VASP: variants seen among roughly 807,000 people sequenced by gnomAD.
VASP encodes vasodilator-stimulated phosphoprotein.
A neutral mutation model predicts 54.4 loss-of-function variants in VASP; 27 were observed. The observed-to-expected ratio is 0.50, with a 90% CI of 0.37 to 0.68. The LOEUF is 0.68. Ranked by LOEUF, VASP falls within the 30% of genes least tolerant of loss-of-function variation. The pLI is 0.00. For synonymous variants in VASP, 233 were observed against 209.8 expected, an observed-to-expected ratio of 1.11 and a Z score of -0.96; for missense variants, 488 against 528.3, an observed-to-expected ratio of 0.92 and a Z score of 0.75.
chr19:45,514,491 G>A (rs1350355762), intron 1 of VASP, among the ~76,000 whole-genome samples: 6 of 152,236 alleles, frequency 3.9e-5, no homozygotes, highest in Non-Finnish European at 8.8e-5. Context: ...AAAGTGCTGG[G>A]ATTACAGGCA....
At position 45,517,666 on chromosome 19, in the gene VASP, G is replaced by A; in HGVS notation, c.9G>A (p.Glu3=). 2 of 1,607,896 alleles carry A rather than the reference G, an allele frequency of 1.2e-6. No homozygotes were observed. Among genetic ancestry groups the A allele is most frequent in the Non-Finnish European group, 8.5e-7 (1 of 1,179,810 alleles). The stretch of plus-strand genomic sequence containing the variant: ...TCCCTTTTCCTCCCGCCTGCAGCGA[G>A]ACGGTCATCTGTTCCAGCCGGGCCA... MS[E]TVICSSRATV... The change falls in exon 2 of 13, where the codon GAG becomes GAA. Residue 3 remains glutamate, a synonymous_variant. Transcript: ENST00000245932.
At chr19:45,521,843 C>T (rs1276353516) in intron 4 of VASP, among the ~76,000 whole-genome samples, 5 of 151,004 alleles carry the variant, frequency 3.3e-5, no homozygotes, top group Non-Finnish European at 7.4e-5. Context: ...GAGCCAAGAT[C>T]GAGCCACTGC....
intron 3 of VASP, among the ~76,000 whole-genome samples, 157 bp from the exon 4 acceptor site, chr19:45,521,165 T>A (rs1968822629): frequency 6.6e-6 from 1 of 152,228 alleles, no homozygotes; most frequent in African/African-American, 2.4e-5. Flanking sequence ...CACCTCCCAA[T>A]GTGCGTCCTC....
In VASP at chr19:45,526,896, G is replaced by A. The variant is rs10995; in HGVS notation, c.*719G>A. 0.76 allele frequency: 115,406 copies of A among 151,836 alleles called. 44,086 individuals are homozygous for A. The highest frequency in any genetic ancestry group is 0.83 in the South Asian group (3,997 of 4,796). 9.4% of individuals were successfully genotyped at this position (151,836 alleles called of 1,614,324 possible). A position where few individuals can be genotyped will look rare whatever the true frequency, so the allele number is the denominator to read the frequency against. ...AGGAAATAAGATGAGGGAGAAAGGA[G>A]AAGGGGAGGAAACTTCTCCCCTCCC... On this transcript the variant is annotated 3_prime_UTR_variant, in exon 13 of 13. Transcript: ENST00000245932.
At chr19:45,513,141 A>AGT (rs1968633427) in intron 1 of VASP, among the ~76,000 whole-genome samples, 1 of 152,166 alleles carries the variant, frequency 6.6e-6, no homozygotes, top group Non-Finnish European at 1.5e-5. Context: ...GAGGTTGTAG[A>AGT]GTCATGCAGC....
In VASP at chr19:45,521,201, G is replaced by A; in HGVS notation, c.344-121G>A. 7 of 1,008,676 alleles carry A rather than the reference G, an allele frequency of 6.9e-6. No homozygotes were observed. The South Asian group carries it at 7.1e-5, about 10-fold the overall frequency. 62.5% of individuals were successfully genotyped at this position (1,008,676 alleles called of 1,614,324 possible). ...CTGGGCCTGGAGCCTCAGGGCCTCT[G>A]GAAGGAGGAAGTGAGCGCCTCTGGG... On this transcript the variant is annotated intron_variant, in intron 3 of 12. Transcript: ENST00000245932.
chr19:45,514,261 G>C (rs1568386257), intron 1 of VASP, among the ~76,000 whole-genome samples: 1 of 152,128 alleles, frequency 6.6e-6, no homozygotes, highest in African/African-American at 2.4e-5. Flanking sequence ...ACAGTGGAGC[G>C]GGAAGAAATG....
chr19:45,523,032 A>G (rs1469151694), intron 7 of VASP, among the ~76,000 whole-genome samples: 1 of 152,082 alleles, frequency 6.6e-6, no homozygotes, highest in Non-Finnish European at 1.5e-5. Flanking sequence ...CCAGAATTCT[A>G]GAACCGTAGG....
Position 45,525,989 on chromosome 19 carries a change from A to G in VASP, c.1091A>G (p.Glu364Gly), listed in dbSNP as rs1968955603. ...AAGAAGGAATTGCAGAAAGTGAAAG[A>G]GGAAATCATTGAAGGTGAGGTGGTT... The part of the protein sequence containing the change: ...EVKKELQKVK[E>G]EIIEAFVQEL... The change falls in exon 12 of 13, where the codon GAG (glutamate) becomes GGG (glycine). Residue 364 changes from glutamate to glycine, a missense_variant. Glu to Gly is a moderately conservative substitution (Grantham distance 98, BLOSUM62 -2). Transcript: ENST00000245932. The G allele has an allele frequency of 6.2e-7, 1 of 1,614,160 alleles. No individual in the cohort carries two copies. Among genetic ancestry groups the G allele is most frequent in the Non-Finnish European group, 8.5e-7 (1 of 1,180,014 alleles).
In VASP at chr19:45,508,403, AC is replaced by A. The variant is rs780189371; in HGVS notation, c.5+635del. On this transcript the variant is annotated intron_variant, in intron 1 of 12. Coordinates refer to ENST00000245932, the MANE Select transcript of VASP (RefSeq NM_003370.4). ...GACGCAGCCTCCAGAGTCTGGTGGG[AC>A]CCCCCCCTTCCCCGTCGCTCCGCAC... is the stretch of plus-strand genomic sequence containing the variant. Among the ~76,000 whole-genome samples the A allele has an allele frequency of 4.4e-4, 65 of 147,164 alleles. No homozygotes were observed. The Middle Eastern group carries it at 0.039, about 88-fold the overall frequency.
At chr19:45,510,428 G>T (rs1409310199) in intron 1 of VASP, among the ~76,000 whole-genome samples, 1 of 152,036 alleles carries the variant, frequency 6.6e-6, no homozygotes, top group Non-Finnish European at 1.5e-5. Flanking sequence ...GTTTCACCGT[G>T]ATGGCCAGGC....
chr19:45,510,668 C>T (rs919301463), intron 1 of VASP, among the ~76,000 whole-genome samples: 1 of 152,144 alleles, frequency 6.6e-6, no homozygotes, highest in African/African-American at 2.4e-5. Flanking sequence ...CGCCGGGGCT[C>T]ATGCCTGTAA....
At chr19:45,523,189 A>ATTTTTTTTTTTTTTTTTTTTTTTTTT (rs1568390471) in intron 7 of VASP, among the ~76,000 whole-genome samples, 5 of 106,970 alleles carry the variant, frequency 4.7e-5, no homozygotes, top group Admixed American at 1.1e-4. Context: ...CAATCTCTTG[A>ATTTTTTTTTTTTTTTTTTTTTTTTTT]ATTTTTTTTT....
At chr19:45,509,253 G>A in intron 1 of VASP, among the ~76,000 whole-genome samples, 1 of 152,174 alleles carries the variant, frequency 6.6e-6, no homozygotes, top group Non-Finnish European at 1.5e-5. Context: ...AAGACTTCCT[G>A]CCTATCCGCT....
intron 11 of VASP, 193 bp from the exon 12 acceptor site, chr19:45,525,753 C>T (rs1968947814): frequency 9.3e-6 from 5 of 536,332 alleles, no homozygotes; most frequent in Non-Finnish European, 1.7e-5. Context: ...ACTGTGGTCC[C>T]AGCTACTTGG....
At chr19:45,523,978 T>A in intron 9 of VASP, 101 bp downstream of exon 9, 2 of 1,610,128 alleles carry the variant, frequency 1.2e-6, no homozygotes, top group Non-Finnish European at 8.5e-7. Context: ...CGAATGGTGC[T>A]GGGGATTGTA....
intron 3 of VASP, among the ~76,000 whole-genome samples, chr19:45,518,833 TTTTTG>T (rs1435504029): frequency 1.3e-5 from 2 of 151,956 alleles, no homozygotes; most frequent in Non-Finnish European, 2.9e-5. Context: ...CTTGGCTCTT[TTTTTG>T]TTTTGTTTTT....
chr19:45,526,268 A>G lies in VASP; in HGVS notation c.*91A>G. On this transcript the variant is annotated 3_prime_UTR_variant, in exon 13 of 13. Transcript: ENST00000245932. The stretch of plus-strand genomic sequence containing the variant: ...CCTCTACTTGACTTGGAATTGGCTG[A>G]AGACTACACAGGAATGCATCGTTCC... The G allele has an allele frequency of 6.8e-7, 1 of 1,461,510 alleles. No individual in the cohort carries two copies. Among genetic ancestry groups the G allele is most frequent in the Non-Finnish European group, 9.2e-7 (1 of 1,089,260 alleles). 90.5% of individuals were successfully genotyped at this position (1,461,510 alleles called of 1,614,324 possible). A position where few individuals can be genotyped will look rare whatever the true frequency, so the allele number is the denominator to read the frequency against.
intron 1 of VASP, among the ~76,000 whole-genome samples, chr19:45,508,223 G>C (rs917510095): frequency 6.6e-6 from 1 of 152,130 alleles, no homozygotes; most frequent in African/African-American, 2.4e-5. Context: ...TCAGACCCTG[G>C]GTGTGCAGGT....
Sources: allele counts gnomAD v4.1 joint callset (sites outside exome capture counted in the v4.1 genomes callset), GRCh38; gene constraint gnomAD v4.1.1; transcripts MANE v1.5; gene names NCBI Gene and HGNC (gene_info 2026-07-23, HGNC 2026-07-21).